The following LPO variants were observed in gnomAD, a reference collection of about 807,000 sequenced individuals.
The protein encoded by LPO is salivary peroxidase.
LPO carries 70 observed loss-of-function variants against 68.4 expected under a neutral mutation model. The ratio of observed to expected loss-of-function variants is 1.02; its 90% CI spans 0.84 to 1.25. The LOEUF (loss-of-function observed/expected upper bound fraction) is 1.25. LPO is among the 50% of genes most tolerant of loss of function. The pLI is 0.00. For missense variants in LPO, 873 were observed against 908.4 expected (o/e 0.96, Z 0.50); for synonymous variants, 360 against 357.6 (o/e 1.01, Z -0.08).
chr17:58,255,066 T>G, intron 9 of LPO, 95 bp downstream of exon 9: 3 of 1,321,354 alleles, frequency 2.3e-6, no homozygotes, highest in Non-Finnish European at 3.2e-6. Context: ...CTCTCTCCTC[T>G]GTTCCCACAC....
intron 9 of LPO, among the ~76,000 whole-genome samples, chr17:58,262,813 G>A (rs1394848268): frequency 2.0e-5 from 3 of 152,138 alleles, no homozygotes; most frequent in East Asian, 3.8e-4. Flanking sequence ...AGTGAATTTC[G>A]CTGTTTATCC....
intron 8 of LPO, 74 bp downstream of exon 8, chr17:58,252,580 C>T: frequency 7.0e-7 from 1 of 1,422,008 alleles, no homozygotes; most frequent in Non-Finnish European, 9.5e-7. Flanking sequence ...CTGCCCCCTT[C>T]TTGTCATCTT....
chr17:58,264,507 A>G (rs1970223718), intron 9 of LPO, among the ~76,000 whole-genome samples: 1 of 152,246 alleles, frequency 6.6e-6, no homozygotes, highest in Non-Finnish European at 1.5e-5. Flanking sequence ...GCCTATGTTG[A>G]GACAAATCGT....
intron 9 of LPO, among the ~76,000 whole-genome samples, chr17:58,262,772 T>A (rs1382181060): frequency 6.6e-6 from 1 of 152,240 alleles, no homozygotes; most frequent in African/African-American, 2.4e-5. Flanking sequence ...TTATGTTTAG[T>A]TTTCAGAAAT....
chr17:58,251,084 G>C (rs890237632), intron 7 of LPO: 1 of 167,918 alleles, frequency 6.0e-6, no homozygotes, highest in Non-Finnish European at 1.3e-5. Context: ...TTTGAGACCA[G>C]CCTGGCCAAC....
intron 9 of LPO, among the ~76,000 whole-genome samples, chr17:58,261,170 C>T (rs1191586413): frequency 2.0e-5 from 3 of 152,148 alleles, no homozygotes; most frequent in African/African-American, 7.2e-5. Flanking sequence ...GTCTGTACTC[C>T]AGCTAATTTT....
At chr17:58,255,443 A>G (rs1022643762) in intron 9 of LPO, among the ~76,000 whole-genome samples, 5 of 152,220 alleles carry the variant, frequency 3.3e-5, no homozygotes, top group African/African-American at 2.4e-5. Flanking sequence ...CCATGCACAT[A>G]TTTTTTAAAC....
chr17:58,265,038 CTT>C, intron 10 of LPO, 64 bp downstream of exon 10: 2 of 1,589,038 alleles, frequency 1.3e-6, no homozygotes. Context: ...TGTAGGGAAA[CTT>C]GGGTTGGAAG....
At chr17:58,244,679 C>A (rs1380115634) in intron 3 of LPO, among the ~76,000 whole-genome samples, 1 of 152,256 alleles carries the variant, frequency 6.6e-6, no homozygotes, top group Non-Finnish European at 1.5e-5. Flanking sequence ...CTGCCCACAT[C>A]AGTCAGACAT....
chr17:58,240,389 G>C (rs774513046), intron 1 of LPO, among the ~76,000 whole-genome samples: 1 of 151,950 alleles, frequency 6.6e-6, no homozygotes, highest in African/African-American at 2.4e-5. Flanking sequence ...TAAGAATATG[G>C]ATAAATATCT....
intron 7 of LPO, chr17:58,250,949 C>A: frequency 3.1e-6 from 1 of 321,670 alleles, no homozygotes; most frequent in Non-Finnish European, 5.9e-6. Flanking sequence ...TCTACATTCC[C>A]GACCCAGCAG....
chr17:58,249,017 A>G, intron 4 of LPO, 43 bp from the exon 5 acceptor site: 2 of 1,501,912 alleles, frequency 1.3e-6, no homozygotes, highest in Non-Finnish European at 1.9e-6. Flanking sequence ...GTGCCTGTGA[A>G]TGGAGAAAGA....
intron 8 of LPO, chr17:58,254,601 A>G: frequency 2.1e-6 from 1 of 483,266 alleles, no homozygotes; most frequent in Non-Finnish European, 3.7e-6. Flanking sequence ...CCAAGGTCAC[A>G]CAGCTAAAAA....
In LPO at chr17:58,260,929, G is replaced by T. The variant is rs146388797; in HGVS notation, c.1267-3793G>T. Among the ~76,000 whole-genome samples the T allele has an allele frequency of 9.9e-5, 15 of 152,112 alleles. No individual in the cohort carries two copies. In the South Asian group the frequency reaches 2.7e-3, roughly 27 times the overall value. ...GAAGAGTGTTATTTAATTTCCAAGC[G>T]TTTGTAGATTTTCCTGTTGCCTTCC... On this transcript the variant is annotated intron_variant, in intron 9 of 12. Coordinates refer to ENST00000262290, the MANE Select transcript of LPO (RefSeq NM_006151.3).
At chr17:58,252,589 T>A in intron 8 of LPO, 83 bp downstream of exon 8, 1 of 1,385,074 alleles carries the variant, frequency 7.2e-7, no homozygotes, top group Non-Finnish European at 9.7e-7. Context: ...TCTTGTCATC[T>A]TTCTGGAAAA....
At chr17:58,258,235 A>G (rs1320732822) in intron 9 of LPO, among the ~76,000 whole-genome samples, 2 of 152,072 alleles carry the variant, frequency 1.3e-5, no homozygotes, top group East Asian at 3.9e-4. Context: ...TGTCCTGGAG[A>G]TTTTCCCCAA....
At position 58,267,550 on chromosome 17, in the gene LPO, T is replaced by G. The variant is rs1259688217; in HGVS notation, c.1895T>G (p.Leu632Trp). Residue 632 changes from leucine to tryptophan, a missense_variant, in exon 12 of 13, where the codon TTG (leucine) becomes TGG (tryptophan). Leu to Trp is a moderately conservative substitution (Grantham distance 61). Coordinates refer to ENST00000262290, the MANE Select transcript of LPO (RefSeq NM_006151.3). ...GRVGPLLACLLGKQFQQIRDG... is the reference protein window; with the variant it reads ...GRVGPLLACLWGKQFQQIRDG... ...GTGGGGCCTCTCCTGGCCTGCCTCTTGGGCAAGCAGTTCCAGCAGATCCGT... is the reference window on the plus strand; with the variant it reads ...GTGGGGCCTCTCCTGGCCTGCCTCTGGGGCAAGCAGTTCCAGCAGATCCGT... The G allele has an allele frequency of 1.2e-6, 2 of 1,613,246 alleles. No individual in the cohort carries two copies. Among genetic ancestry groups the G allele is most frequent in the African/African-American group, 2.7e-5 (2 of 74,918 alleles).
intron 4 of LPO, 108 bp downstream of exon 4, chr17:58,247,746 G>A (rs551230108): frequency 8.0e-7 from 1 of 1,245,436 alleles, no homozygotes; most frequent in African/African-American, 1.5e-5. Flanking sequence ...TCTACTCAGA[G>A]GAACACTCCT....
At chr17:58,265,064 A>G (rs1216797790) in intron 10 of LPO, 90 bp downstream of exon 10, 3 of 1,530,628 alleles carry the variant, frequency 2.0e-6, no homozygotes, top group East Asian at 4.5e-5. Context: ...GATTCCAAGC[A>G]CTTTTACATG....
Sources: gnomAD v4.1 joint callset for allele counts (sites outside exome capture counted in the v4.1 genomes callset) on GRCh38, gnomAD v4.1.1 for gene constraint, MANE v1.5 for transcripts, NCBI Gene and HGNC (gene_info 2026-07-23, HGNC 2026-07-21) for gene names.